The following CCDC158 variants were observed in gnomAD, a reference collection of about 807,000 sequenced individuals.
CCDC158 encodes the protein coiled-coil domain-containing protein 158.
CCDC158 carries 116 observed loss-of-function variants against 138.6 expected under a neutral mutation model. The ratio of observed to expected loss-of-function variants is 0.84; its 90% confidence interval spans 0.72 to 0.98. The LOEUF is 0.98. CCDC158 is among the 50% of genes least tolerant of loss of function. The pLI is 0.00. For synonymous variants in CCDC158, 436 were observed against 442.4 expected, an observed-to-expected ratio of 0.99 and a Z score of 0.18; for missense variants, 1,265 against 1,306.1, an observed-to-expected ratio of 0.97 and a Z score of 0.48.
intron 4 of CCDC158, 34 bp from the exon 5 acceptor site, chr4:76,384,699 TAGAG>T: frequency 7.0e-7 from 1 of 1,420,270 alleles, no homozygotes; most frequent in Non-Finnish European, 9.9e-7. Flanking sequence ...TAATCTTCAT[TAGAG>T]AAACACATTT....
At chr4:76,334,579 G>C (rs1721296865) in intron 18 of CCDC158, among the ~76,000 whole-genome samples, 2 of 152,276 alleles carry the variant, frequency 1.3e-5, no homozygotes, top group Admixed American at 1.3e-4. Context: ...GAGCTATTTA[G>C]AGATGAGTTA....
At chr4:76,346,785 C>T (rs182497184) in intron 18 of CCDC158, among the ~76,000 whole-genome samples, 123 of 152,174 alleles carry the variant, frequency 8.1e-4, no homozygotes, top group African/African-American at 2.9e-3. Flanking sequence ...ATCTATCTGA[C>T]AAAGGGCTAA....
At chr4:76,350,897 A>G (rs1578939002) in intron 18 of CCDC158, 99 bp downstream of exon 18, 2 of 1,060,818 alleles carry the variant, frequency 1.9e-6, no homozygotes, top group Non-Finnish European at 2.6e-6. Flanking sequence ...TGAAAATGCT[A>G]TGGATATAGA....
rs1392894978 is a variant in CCDC158 at position 76,403,131 on chromosome 4, C to T, written c.70+7G>A. 6.3e-7 allele frequency: 1 copy of T among 1,591,224 alleles called. No homozygotes were observed. The highest frequency in any genetic ancestry group is 1.7e-5 in the Admixed American group (1 of 57,988). ...TTTCCCCATTTTGTTTTATAAACAG[C>T]ACATACCTCCATTAGATGTGACACC... On this transcript the variant is annotated splice_region_variant and intron_variant, in intron 3 of 24. Transcript: ENST00000682701.
chr4:76,314,238 G>A (rs920282437), intron 24 of CCDC158, among the ~76,000 whole-genome samples: 1 of 152,184 alleles, frequency 6.6e-6, no homozygotes, highest in Non-Finnish European at 1.5e-5. Context: ...TATCTTCCAT[G>A]TGGATTATTA....
At position 76,362,203 on chromosome 4, in the gene CCDC158, A is replaced by C; in HGVS notation, c.1943T>G (p.Val648Gly). Residue 648 changes from valine to glycine, a missense_variant, in exon 13 of 25, where the codon GTG becomes GGG. Physicochemically the swap from Val to Gly is moderately radical, Grantham distance 109. Transcript: ENST00000682701. Reference protein sequence around the residue: ...VNAGSERLRAVKDIKQERDQL... With the variant: ...VNAGSERLRAGKDIKQERDQL... Reference sequence around the variant, plus strand: ...ATCTCTCTCTTGTTTGATGTCCTTCACTGCACGGAGCCGCTCAGAGCCTGC... The same window carrying C: ...ATCTCTCTCTTGTTTGATGTCCTTCCCTGCACGGAGCCGCTCAGAGCCTGC... 6.2e-7 allele frequency: 1 copy of C among 1,614,120 alleles called. No homozygotes were observed. Among genetic ancestry groups the C allele is most frequent in the Non-Finnish European group, 8.5e-7 (1 of 1,180,010 alleles).
chr4:76,344,997 T>G (rs1191700759), intron 18 of CCDC158: 1 of 1,433,302 alleles, frequency 7.0e-7, no homozygotes, highest in Non-Finnish European at 9.8e-7. Flanking sequence ...GTAGATGACT[T>G]CTTTGAGCAA....
chr4:76,333,839 T>C (rs1437748245), intron 19 of CCDC158, 171 bp downstream of exon 19: 3 of 428,686 alleles, frequency 7.0e-6, no homozygotes, highest in Non-Finnish European at 1.2e-5. Context: ...TAGTGTCAAG[T>C]TGTTTTACAT....
Position 76,337,920 on chromosome 4 carries a change from G to A in CCDC158, c.2665-3753C>T, listed in dbSNP as rs771669187. Among the ~76,000 whole-genome samples, 11 of 152,234 alleles carry A rather than the reference G, an allele frequency of 7.2e-5. 1 individual carries two copies. Among genetic ancestry groups the A allele is most frequent in the South Asian group, 4.2e-4 (2 of 4,816 alleles). ...AACAAGGGTCCCCAAACCCTGGACC[G>A]GTACCGGCCCATGGTCTGTGAGGAA... On this transcript the variant is annotated intron_variant, in intron 18 of 24. Coordinates refer to ENST00000682701, the MANE Select transcript of CCDC158 (RefSeq NM_001394954.1).
At chr4:76,408,696 A>G (rs1488941170) in intron 2 of CCDC158, among the ~76,000 whole-genome samples, 3 of 152,182 alleles carry the variant, frequency 2.0e-5, no homozygotes, top group Non-Finnish European at 4.4e-5. Flanking sequence ...CTTTGCATAT[A>G]TACCCAGTAA....
intron 4 of CCDC158, among the ~76,000 whole-genome samples, chr4:76,391,615 T>G (rs561997592): frequency 6.6e-6 from 1 of 151,634 alleles, no homozygotes; most frequent in South Asian, 2.1e-4. Flanking sequence ...TGATGTATTT[T>G]AAAGAACTAG....
chr4:76,410,048 G>T (rs1302969589), intron 2 of CCDC158, among the ~76,000 whole-genome samples: 1 of 152,000 alleles, frequency 6.6e-6, no homozygotes, highest in Non-Finnish European at 1.5e-5. Flanking sequence ...CCTGCTCCTT[G>T]GAGTCGAAAG....
At chr4:76,368,230 C>A (rs1265665080) in intron 11 of CCDC158, among the ~76,000 whole-genome samples, 6 of 151,990 alleles carry the variant, frequency 3.9e-5, no homozygotes, top group Admixed American at 3.3e-4. Context: ...ATTAAGATAA[C>A]CCTGGCAATG....
At chr4:76,357,327 A>C (rs1648554928) in intron 14 of CCDC158, 47 bp downstream of exon 14, 3 of 1,377,702 alleles carry the variant, frequency 2.2e-6, no homozygotes, top group Non-Finnish European at 2.9e-6. Flanking sequence ...AATTTAGTCC[A>C]TTAAATTAAA....
intron 23 of CCDC158, among the ~76,000 whole-genome samples, chr4:76,323,764 T>C (rs17001782): frequency 0.029 from 4,472 of 152,318 alleles, 221 homozygotes; most frequent in African/African-American, 0.1. Flanking sequence ...CTGAGTAGTT[T>C]GATTAACTTG....
At chr4:76,327,213 A>T (rs986336846) in intron 22 of CCDC158, among the ~76,000 whole-genome samples, 4 of 152,202 alleles carry the variant, frequency 2.6e-5, no homozygotes, top group Non-Finnish European at 4.4e-5. Flanking sequence ...ACCTGAAGGA[A>T]TTAACTTCAC....
At chr4:76,343,405 C>G (rs1452104011) in intron 18 of CCDC158, among the ~76,000 whole-genome samples, 2 of 152,150 alleles carry the variant, frequency 1.3e-5, no homozygotes, top group Non-Finnish European at 2.9e-5. Flanking sequence ...ATCCAAGGGT[C>G]ACCAAGCATT....
intron 12 of CCDC158, among the ~76,000 whole-genome samples, chr4:76,367,081 C>T (rs919648680): frequency 6.6e-5 from 10 of 151,996 alleles, no homozygotes; most frequent in East Asian, 1.9e-4. Context: ...CTTTTGTACC[C>T]GTGATTTTGA....
intron 10 of CCDC158, 57 bp from the exon 11 acceptor site, chr4:76,369,680 CA>C: frequency 6.9e-7 from 1 of 1,450,392 alleles, no homozygotes; most frequent in Non-Finnish European, 9.6e-7. Flanking sequence ...TAAGATAAAA[CA>C]TATTGTCTTT....
Sources: allele counts gnomAD v4.1 joint callset (sites outside exome capture counted in the v4.1 genomes callset), GRCh38; gene constraint gnomAD v4.1.1; transcripts MANE v1.5; gene names NCBI Gene and HGNC (gene_info 2026-07-23, HGNC 2026-07-21).